Variants in SWAP70 observed in about 807,000 individuals in gnomAD.
SWAP70 encodes switching B cell complex subunit SWAP70.
In SWAP70, 34 loss-of-function variants were observed where a neutral mutation model predicts 80.2. That is an observed-to-expected ratio of 0.42 (90% CI 0.32 to 0.56). The LOEUF is 0.56. SWAP70 is among the 20% of genes least tolerant of loss of function. SWAP70 has a pLI of 0.09. For synonymous variants in SWAP70, 239 were observed against 238.5 expected (o/e 1.00, Z -0.02); for missense variants, 578 against 690.7 (o/e 0.84, Z 1.83).
intron 3 of SWAP70, among the ~76,000 whole-genome samples, chr11:9,721,115 G>C (rs449005): frequency 0.35 from 53,844 of 152,024 alleles, 9,881 homozygotes; most frequent in African/African-American, 0.42. Flanking sequence ...CACGCCTGGC[G>C]TTCAATCTCT....
At chr11:9,716,287 A>G (rs1159271477) in intron 3 of SWAP70, among the ~76,000 whole-genome samples, 2 of 152,204 alleles carry the variant, frequency 1.3e-5, no homozygotes, top group Non-Finnish European at 2.9e-5. Context: ...GGACTAAAAT[A>G]CAGCGAGAAT....
At chr11:9,680,816 A>G (rs572465120) in intron 1 of SWAP70, 3 of 152,154 alleles carry the variant, frequency 2.0e-5, no homozygotes, top group Non-Finnish European at 4.4e-5. Context: ...TAAATTTCAT[A>G]TGTGGTTTGT....
intron 2 of SWAP70, among the ~76,000 whole-genome samples, chr11:9,707,929 T>C (rs1850941149): frequency 6.6e-6 from 1 of 152,176 alleles, no homozygotes; most frequent in Non-Finnish European, 1.5e-5. Context: ...GGTGGTTTTT[T>C]TGTTATATAG....
At chr11:9,744,253 C>T (rs1851482237) in intron 9 of SWAP70, among the ~76,000 whole-genome samples, 1 of 152,192 alleles carries the variant, frequency 6.6e-6, no homozygotes, top group Admixed American at 6.5e-5. Context: ...TGAGCCACTG[C>T]ACCTGGCCAG....
chr11:9,705,678 C>T (rs1330817467), intron 2 of SWAP70, among the ~76,000 whole-genome samples: 1 of 143,132 alleles, frequency 7.0e-6, no homozygotes, highest in Non-Finnish European at 1.5e-5. Context: ...TCTGTGTACA[C>T]TTGGTGATCT....
chr11:9,698,093 G>GTT (rs201181416), intron 2 of SWAP70, among the ~76,000 whole-genome samples: 1,854 of 109,328 alleles, frequency 0.017, 197 homozygotes, highest in Middle Eastern at 0.034. Flanking sequence ...GCCAATACAT[G>GTT]TTTTTTGTTT....
At chr11:9,711,639 CAGTGGTAAT>C (rs1194497692) in intron 2 of SWAP70, among the ~76,000 whole-genome samples, 5 of 152,130 alleles carry the variant, frequency 3.3e-5, no homozygotes, top group African/African-American at 1.2e-4. Flanking sequence ...GCAGTGGTAG[CAGTGGTAAT>C]AGTGAGGGTG....
chr11:9,699,006 C>T (rs532860283), intron 2 of SWAP70, among the ~76,000 whole-genome samples: 5 of 144,816 alleles, frequency 3.5e-5, no homozygotes, highest in South Asian at 2.2e-4. Flanking sequence ...TGCTTTAATT[C>T]GGAAAAAAAG....
At chr11:9,704,741 G>T (rs2645019) in intron 2 of SWAP70, among the ~76,000 whole-genome samples, 15,492 of 152,080 alleles carry the variant, frequency 0.1, 1,517 homozygotes, top group African/African-American at 0.25. Context: ...ATAACTGTTA[G>T]TCTGTCTTCC....
chr11:9,749,917 G>A lies in SWAP70; in HGVS notation c.1705G>A (p.Ala569Thr). ...TNWGPAAFTE[A>T]ELEEREKNWK... ...CTGGGGACCTGCAGCTTTCACTGAG[G>A]CAGAACTTGAAGAGAGAGAGAAGAA... The change falls in exon 12 of 12, where the codon GCA (alanine) becomes ACA (threonine). Residue 569 changes from alanine (A) to threonine (T), a missense_variant. By Grantham distance (58) the Ala-to-Thr change is moderately conservative (BLOSUM62 0). Coordinates refer to ENST00000318950, the MANE Select transcript of SWAP70 (RefSeq NM_015055.4). 2 of 1,614,074 alleles carry A rather than the reference G, an allele frequency of 1.2e-6. No individual in the cohort carries two copies. The highest frequency in any genetic ancestry group is 4.5e-5 in the East Asian group (2 of 44,882).
At chr11:9,690,981 G>T (rs1370205585) in intron 1 of SWAP70, among the ~76,000 whole-genome samples, 1 of 152,048 alleles carries the variant, frequency 6.6e-6, no homozygotes, top group Non-Finnish European at 1.5e-5. Flanking sequence ...ATGGCTCAAT[G>T]CAGCCTCGAC....
intron 1 of SWAP70, among the ~76,000 whole-genome samples, chr11:9,667,132 T>C (rs1368787464): frequency 6.6e-6 from 1 of 151,920 alleles, no homozygotes; most frequent in Non-Finnish European, 1.5e-5. Context: ...CCAGAAGTGC[T>C]AGGATTACAG....
chr11:9,717,234 C>G (rs1488964475), intron 3 of SWAP70, among the ~76,000 whole-genome samples: 1 of 152,120 alleles, frequency 6.6e-6, no homozygotes, highest in Non-Finnish European at 1.5e-5. Flanking sequence ...AGGAAATTGT[C>G]TAGCTTAATA....
chr11:9,747,730 C>T, intron 9 of SWAP70, 128 bp from the exon 10 acceptor site: 3 of 875,142 alleles, frequency 3.4e-6, no homozygotes, highest in East Asian at 4.9e-5. Context: ...TCCTGCTTTC[C>T]TCCTGGTGGA....
At chr11:9,729,640 A>G (rs1851270858) in intron 6 of SWAP70, among the ~76,000 whole-genome samples, 189 bp downstream of exon 6, 1 of 151,948 alleles carries the variant, frequency 6.6e-6, no homozygotes, top group African/African-American at 2.4e-5. Context: ...CTGGGACTAT[A>G]GCCACCACGC....
rs916520224 is a variant in SWAP70, at chr11:9,727,074, T to G, written c.643-979T>G. ...TACCTCAGTCATTTAACATTTTCAG[T>G]GACTGAGGTTTTACTTATTTTATTT... On this transcript the variant is annotated intron_variant, in intron 4 of 11. Transcript: ENST00000318950. 3 of 414,118 alleles carry G rather than the reference T, an allele frequency of 7.2e-6. No homozygotes were observed. In the Admixed American group the frequency reaches 8.4e-5, roughly 12 times the overall value. The allele number at this position is 414,118 out of a possible 1,614,324, so 25.7% of individuals were successfully genotyped here.
chr11:9,678,988 C>T (rs1290973700), intron 1 of SWAP70, among the ~76,000 whole-genome samples: 1 of 152,136 alleles, frequency 6.6e-6, no homozygotes, highest in Non-Finnish European at 1.5e-5. Flanking sequence ...TTTCCTTCTT[C>T]TCATCCTACC....
intron 1 of SWAP70, among the ~76,000 whole-genome samples, chr11:9,668,816 T>C (rs1590004018): frequency 6.6e-6 from 1 of 152,334 alleles, no homozygotes; most frequent in East Asian, 1.9e-4. Context: ...TTTTGAGTTA[T>C]CTTCACAACT....
chr11:9,729,502 T>TCC (rs1851268255), intron 6 of SWAP70, 51 bp downstream of exon 6: 1 of 1,391,170 alleles, frequency 7.2e-7, no homozygotes, highest in African/African-American at 1.5e-5. Context: ...AGCTCTGACT[T>TCC]TCTTTTTTTT....
Sources: allele counts gnomAD v4.1 joint callset (sites outside exome capture counted in the v4.1 genomes callset), GRCh38; gene constraint gnomAD v4.1.1; transcripts MANE v1.5; gene names NCBI Gene and HGNC (gene_info 2026-07-23, HGNC 2026-07-21).